Variants in NPRL3 observed in about 807,000 individuals in gnomAD.
The protein encoded by NPRL3 is GATOR1 complex protein NPRL3.
Under a neutral mutation model 57.2 loss-of-function variants are expected in NPRL3, and 23 were observed. The observed-to-expected ratio is 0.40, with a 90% CI of 0.29 to 0.57. The LOEUF (loss-of-function observed/expected upper bound fraction) is 0.57. NPRL3 is among the 20% of genes least tolerant of loss of function. NPRL3 has a pLI of 0.42. For missense variants in NPRL3, 691 were observed against 767.1 expected (o/e 0.90, Z 1.17); for synonymous variants, 333 against 321.1 (o/e 1.04, Z -0.39).
intron 3 of NPRL3, among the ~76,000 whole-genome samples, chr16:122,257 C>A (rs545175895): frequency 6.6e-6 from 1 of 151,968 alleles, no homozygotes; most frequent in Non-Finnish European, 1.5e-5. Flanking sequence ...CCACCAAGCC[C>A]GGCTAATTTT....
rs749134952 is a variant in NPRL3, at chr16:85,696, G to C, written c.*1009C>G. ...TCGGCCATGCAGGGGAGTGGGCCCG[G>C]AAACCCCTCCGCTTCTATGTCCGGG... On this transcript the variant is annotated 3_prime_UTR_variant, in exon 14 of 14. Transcript: ENST00000611875. The C allele has an allele frequency of 1.3e-5, 20 of 1,547,518 alleles. No individual in the cohort carries two copies.
chr16:107,746 C>T (rs904063779), intron 7 of NPRL3, among the ~76,000 whole-genome samples: 19 of 152,288 alleles, frequency 1.2e-4, no homozygotes, highest in African/African-American at 3.4e-4. Flanking sequence ...ACTACAAGCT[C>T]GAACTCCTGG....
intron 3 of NPRL3, among the ~76,000 whole-genome samples, chr16:122,881 T>G (rs1900341942): frequency 2.0e-5 from 3 of 152,204 alleles, no homozygotes; most frequent in Non-Finnish European, 4.4e-5. Flanking sequence ...ACCTCCTTGC[T>G]GGAAGCTCAC....
chr16:106,281 C>G (rs1404625126), intron 7 of NPRL3, among the ~76,000 whole-genome samples: 1 of 152,024 alleles, frequency 6.6e-6, no homozygotes, highest in Non-Finnish European at 1.5e-5. Flanking sequence ...GCACTCCAGC[C>G]TGGGTGACGA....
rs1367421466 is a variant in NPRL3, at chr16:88,996, C to T, written c.1352-106G>A. 5.9e-6 allele frequency: 6 copies of T among 1,018,338 alleles called. No homozygotes were observed. The African/African-American group carries it at 7.9e-5, about 13-fold the overall frequency. The allele number at this position is 1,018,338 out of a possible 1,614,324, so 63.1% of individuals were successfully genotyped here. On this transcript the variant is annotated intron_variant, in intron 12 of 13. Coordinates refer to ENST00000611875, the MANE Select transcript of NPRL3 (RefSeq NM_001077350.3). The stretch of plus-strand genomic sequence containing the variant: ...CCTCCAATGACACCCCTAACTCCTA[C>T]AAGGGTTAGGGTACATCTGCCTGCA...
intron 3 of NPRL3, among the ~76,000 whole-genome samples, chr16:130,177 A>C (rs564954359): frequency 6.6e-6 from 1 of 152,184 alleles, no homozygotes. Flanking sequence ...CTCTGGGTAC[A>C]TGCTCAAGGA....
intron 7 of NPRL3, among the ~76,000 whole-genome samples, chr16:103,296 ATTTTTTTTTTTTTTTT>A (rs533871530): frequency 2.4e-4 from 10 of 42,128 alleles, no homozygotes; most frequent in East Asian, 6.9e-4. Flanking sequence ...GCCTGGGGTG[ATTTTTTTTTTTTTTTT>A]TTTTTTTTTT....
At chr16:103,598 G>C (rs1410706116) in intron 7 of NPRL3, among the ~76,000 whole-genome samples, 2 of 152,094 alleles carry the variant, frequency 1.3e-5, no homozygotes, top group Non-Finnish European at 2.9e-5. Context: ...GTGGCTCCCA[G>C]CACCAGTTTA....
At chr16:112,852 A>G (rs1444729139) in intron 5 of NPRL3, 77 bp from the exon 6 acceptor site, 5 of 1,343,414 alleles carry the variant, frequency 3.7e-6, no homozygotes, top group Non-Finnish European at 4.9e-6. Flanking sequence ...TGGAGCTAAC[A>G]CAGGTACACA....
chr16:87,663 G>C (rs551516676), intron 13 of NPRL3, among the ~76,000 whole-genome samples: 2 of 151,544 alleles, frequency 1.3e-5, no homozygotes, highest in African/African-American at 4.9e-5. Context: ...TCCGCCTCCC[G>C]CCTTCAGGCC....
intron 4 of NPRL3, among the ~76,000 whole-genome samples, chr16:118,386 T>G (rs1900138926): frequency 6.6e-6 from 1 of 152,186 alleles, no homozygotes; most frequent in African/African-American, 2.4e-5. Flanking sequence ...AGAGAGGGTT[T>G]AGCAGAAAAA....
intron 7 of NPRL3, among the ~76,000 whole-genome samples, chr16:103,572 C>A (rs761311513): frequency 1.3e-5 from 2 of 151,992 alleles, no homozygotes; most frequent in Non-Finnish European, 2.9e-5. Context: ...CACAGTGAGG[C>A]CTTATGACAT....
At chr16:90,027 C>T in intron 11 of NPRL3, 125 bp from the exon 12 acceptor site, 1 of 926,844 alleles carries the variant, frequency 1.1e-6, no homozygotes. Flanking sequence ...GGCAGAAAGG[C>T]CCTCTTCTCA....
In NPRL3 at chr16:93,290, G is replaced by T; in HGVS notation, c.960C>A (p.Gly320=). The T allele has an allele frequency of 6.4e-7, 1 of 1,560,314 alleles. No homozygotes were observed. The highest frequency in any genetic ancestry group is 8.7e-7 in the Non-Finnish European group (1 of 1,151,994). ...FQLAAHLVYW[G]KAIIIYPLCE... ...ACAGCGGGTAGATGATGATGGCCTT[G>T]CCCCAGTACACCAGATGAGCTGCAA... is the stretch of plus-strand genomic sequence containing the variant. The change falls in exon 10 of 14, where the codon GGC becomes GGA. Residue 320 remains glycine (G), a synonymous_variant. Transcript: ENST00000611875.
chr16:125,443 C>T (rs1459511542), intron 3 of NPRL3, among the ~76,000 whole-genome samples: 1 of 152,212 alleles, frequency 6.6e-6, no homozygotes, highest in Non-Finnish European at 1.5e-5. Context: ...TCCGGCAATG[C>T]TCCATTTCCT....
chr16:91,874 C>A (rs966971906), intron 11 of NPRL3, among the ~76,000 whole-genome samples: 3 of 152,232 alleles, frequency 2.0e-5, no homozygotes, highest in African/African-American at 7.2e-5. Flanking sequence ...CTGCCCAGAA[C>A]TCAGTGGAGG....
chr16:114,269 G>A (rs1899937126), intron 5 of NPRL3, among the ~76,000 whole-genome samples: 2 of 152,194 alleles, frequency 1.3e-5, no homozygotes, highest in Non-Finnish European at 2.9e-5. Flanking sequence ...CACTCATGGG[G>A]TGTCCCAGCA....
chr16:108,726 A>T (rs1488753676), intron 7 of NPRL3, among the ~76,000 whole-genome samples: 1 of 151,662 alleles, frequency 6.6e-6, no homozygotes, highest in Non-Finnish European at 1.5e-5. Flanking sequence ...GCTGGAGTGC[A>T]GTGGCGCCAT....
chr16:88,098 CA>C (rs1221990044), intron 13 of NPRL3, among the ~76,000 whole-genome samples: 1 of 152,172 alleles, frequency 6.6e-6, no homozygotes, highest in Non-Finnish European at 1.5e-5. Flanking sequence ...CACTGTCCCC[CA>C]AGTCAGGGTG....
Sources: gnomAD v4.1 joint callset for allele counts (sites outside exome capture counted in the v4.1 genomes callset) on GRCh38, gnomAD v4.1.1 for gene constraint, MANE v1.5 for transcripts, NCBI Gene and HGNC (gene_info 2026-07-23, HGNC 2026-07-21) for gene names.